MALRD1: variants seen among roughly 807,000 people sequenced by gnomAD.
MALRD1 encodes MAM and LDL-receptor class A domain-containing protein 1.
In MALRD1, 247 loss-of-function variants were observed where a neutral mutation model predicts 242.1. The ratio of observed to expected loss-of-function variants is 1.02; its 90% CI spans 0.92 to 1.13. MALRD1 has a LOEUF of 1.13. MALRD1 is among the 50% of genes most tolerant of loss of function. The probability of loss-of-function intolerance (pLI) is 0.00; values close to 1 mark genes in which losing one functional copy is unlikely to be tolerated. For synonymous variants in MALRD1, 995 were observed against 866.6 expected (o/e 1.15, Z -2.60); for missense variants, 2,989 against 2,533.1 (o/e 1.18, Z -3.86).
At chr10:19,387,383 A>G (rs1846126249) in intron 26 of MALRD1, 145 bp from the exon 27 acceptor site, 4 of 888,920 alleles carry the variant, frequency 4.5e-6, no homozygotes, top group Non-Finnish European at 6.6e-6. Flanking sequence ...AGTGGGAGAG[A>G]GAGAGATGGG....
chr10:19,674,524 G>A (rs1842056821), intron 36 of MALRD1, among the ~76,000 whole-genome samples: 3 of 152,110 alleles, frequency 2.0e-5, no homozygotes, highest in Non-Finnish European at 4.4e-5. Context: ...CCAGAGCCCA[G>A]CAATTCATTG....
chr10:19,120,131 T>C (rs994761901), intron 5 of MALRD1, among the ~76,000 whole-genome samples: 1 of 151,966 alleles, frequency 6.6e-6, no homozygotes, highest in African/African-American at 2.4e-5. Flanking sequence ...TTAACAAGGT[T>C]GTGGGTGTGT....
intron 19 of MALRD1, among the ~76,000 whole-genome samples, chr10:19,262,653 C>G (rs138087638): frequency 0.017 from 2,022 of 116,946 alleles, 40 homozygotes; most frequent in African/African-American, 0.062. Flanking sequence ...AAGAGTCTGT[C>G]TCAAAAAAAA....
chr10:19,323,196 AC>A (rs1442301752), intron 21 of MALRD1, among the ~76,000 whole-genome samples: 1 of 151,980 alleles, frequency 6.6e-6, no homozygotes, highest in Non-Finnish European at 1.5e-5. Flanking sequence ...TTGAATGGAA[AC>A]CCTTTGAGAC....
intron 26 of MALRD1, among the ~76,000 whole-genome samples, chr10:19,385,212 T>G (rs1164417430): frequency 1.3e-5 from 2 of 152,068 alleles, no homozygotes. Flanking sequence ...GGATATTGGC[T>G]GTAGTTTTCT....
At chr10:19,257,241 C>G (rs1464091841) in intron 18 of MALRD1, among the ~76,000 whole-genome samples, 1 of 151,968 alleles carries the variant, frequency 6.6e-6, no homozygotes, top group East Asian at 1.9e-4. Flanking sequence ...ACTGTATATC[C>G]TAGCAAGTAA....
chr10:19,730,609 A>G, intron 38 of MALRD1, 97 bp from the exon 39 acceptor site: 1 of 1,180,188 alleles, frequency 8.5e-7, no homozygotes. Context: ...TGGCTAGACA[A>G]CATGTCTCTC....
At chr10:19,733,853 G>C (rs1298300433) in intron 39 of MALRD1, among the ~76,000 whole-genome samples, 1 of 152,002 alleles carries the variant, frequency 6.6e-6, no homozygotes, top group African/African-American at 2.4e-5. Flanking sequence ...AATACAGAAG[G>C]CTTAGTGAAA....
At chr10:19,516,404 C>G (rs1855156) in intron 31 of MALRD1, among the ~76,000 whole-genome samples, 37,608 of 152,022 alleles carry the variant, frequency 0.25, 7,424 homozygotes, top group African/African-American at 0.55. Flanking sequence ...AAAATATATA[C>G]AGAGAAACAT....
In MALRD1 at chr10:19,655,530, GTATATATATATATATATATATA is replaced by G. The variant is rs56752723; in HGVS notation, c.6138-36732_6138-36711del. On this transcript the variant is annotated intron_variant, in intron 36 of 39. Transcript: ENST00000454679. ...TGTGTGTACATATATATGTGTGAGT[GTATATATATATATATATATATA>G]TATATATATATATATATATGGAGAT... Among the ~76,000 whole-genome samples, 72 of 108,830 alleles carry G rather than the reference GTATATATATATATATATATATA, an allele frequency of 6.6e-4. 1 individual carries two copies. The highest frequency in any genetic ancestry group is 2.1e-3 in the Admixed American group (22 of 10,516). 71.4% of individuals were successfully genotyped at this position (108,830 alleles called of 152,430 possible). A position where few individuals can be genotyped will look rare whatever the true frequency, so the allele number is the denominator to read the frequency against.
chr10:19,270,807 AACACACACACAC>A lies in MALRD1; in HGVS notation c.3080-9215_3080-9204del, dbSNP rs71387059. ...AGGGTTAAGATGGCATTCAAAGGAT[AACACACACACAC>A]ACACACACACACACACACACACACG... On this transcript the variant is annotated intron_variant, in intron 19 of 39. Coordinates refer to ENST00000454679, the MANE Select transcript of MALRD1 (RefSeq NM_001142308.3). 1.1e-3 allele frequency among the ~76,000 whole-genome samples: 162 copies of A among 145,054 alleles called. 1 individual carries two copies. The highest frequency in any genetic ancestry group is 7.6e-4 in the Admixed American group (11 of 14,508).
chr10:19,612,849 A>G (rs1838964061), intron 35 of MALRD1, among the ~76,000 whole-genome samples: 1 of 151,926 alleles, frequency 6.6e-6, no homozygotes, highest in African/African-American at 2.4e-5. Flanking sequence ...GACCTATTAG[A>G]AACCACTCCC....
intron 11 of MALRD1, among the ~76,000 whole-genome samples, chr10:19,147,507 T>C (rs946446863): frequency 2.0e-5 from 3 of 152,238 alleles, no homozygotes; most frequent in African/African-American, 7.2e-5. Context: ...AAGGGGACTA[T>C]AAATCATTGT....
chr10:19,587,365 C>T (rs16919110), intron 33 of MALRD1, among the ~76,000 whole-genome samples: 4,470 of 152,282 alleles, frequency 0.029, 206 homozygotes, highest in African/African-American at 0.1. Flanking sequence ...TATATCACTG[C>T]GTATGACAAT....
rs1846109545 is a variant in MALRD1 at position 19,387,017 on chromosome 10, G to T, written c.4442-511G>T. On this transcript the variant is annotated intron_variant, in intron 26 of 39. Transcript: ENST00000454679. ...GCATTTTAGAGAAAAATCTGTTGTA[G>T]TGTCAGTTATTAGTTATATATGCAT... Among the ~76,000 whole-genome samples, 4 of 152,118 alleles carry T rather than the reference G, an allele frequency of 2.6e-5. No homozygotes were observed. The South Asian group carries it at 6.2e-4, about 24-fold the overall frequency.
chr10:19,414,742 C>G (rs1833436330), intron 28 of MALRD1, among the ~76,000 whole-genome samples: 1 of 152,144 alleles, frequency 6.6e-6, no homozygotes, highest in Admixed American at 6.5e-5. Context: ...TCGGCATCGT[C>G]TGAGGCACTG....
At chr10:19,534,834 AAGAT>A (rs901075940) in intron 32 of MALRD1, among the ~76,000 whole-genome samples, 13 of 151,884 alleles carry the variant, frequency 8.6e-5, no homozygotes, top group African/African-American at 2.2e-4. Flanking sequence ...TAATGAAATA[AAGAT>A]AGATATATAT....
chr10:19,614,615 C>T (rs1391307410), intron 35 of MALRD1, among the ~76,000 whole-genome samples: 2 of 151,988 alleles, frequency 1.3e-5, no homozygotes, highest in African/African-American at 4.8e-5. Context: ...GGAGGCAGTT[C>T]ATATGAACAC....
At chr10:19,641,571 G>A (rs1415954478) in intron 36 of MALRD1, among the ~76,000 whole-genome samples, 1 of 152,080 alleles carries the variant, frequency 6.6e-6, no homozygotes, top group Non-Finnish European at 1.5e-5. Flanking sequence ...GTTCTTCTTT[G>A]CATATCATGG....
Sources: gnomAD v4.1 joint callset for allele counts (sites outside exome capture counted in the v4.1 genomes callset) on GRCh38, gnomAD v4.1.1 for gene constraint, MANE v1.5 for transcripts, NCBI Gene and HGNC (gene_info 2026-07-23, HGNC 2026-07-21) for gene names.